The following DOK4 variants were observed in gnomAD, a reference collection of about 807,000 sequenced individuals.
The protein encoded by DOK4 is docking protein 4, also known as downstream of tyrosine kinase 4.
Under a neutral mutation model 40.1 loss-of-function variants are expected in DOK4, and 26 were observed. The observed-to-expected ratio is 0.65, with a 90% CI of 0.48 to 0.90. The LOEUF (loss-of-function observed/expected upper bound fraction) is 0.90. DOK4 is among the 40% of genes least tolerant of loss of function. DOK4 has a pLI of 0.00. For missense variants in DOK4, 392 were observed against 437.2 expected, an observed-to-expected ratio of 0.90 and a Z score of 0.92; for synonymous variants, 179 against 177.0, an observed-to-expected ratio of 1.01 and a Z score of -0.09.
rs1297974435 is a variant in DOK4, at chr16:57,475,740, C to T, written c.174+110G>A. 211 of 722,140 alleles carry T rather than the reference C, an allele frequency of 2.9e-4. 1 individual carries two copies. Among genetic ancestry groups the T allele is most frequent in the Non-Finnish European group, 2.0e-5 (9 of 457,612 alleles). The allele number at this position is 722,140 out of a possible 1,614,324, so 44.7% of individuals were successfully genotyped here. ...CCCTCCTCCTTCTCTCTCCTCCTCT[C>T]CCTCTCTCCCCCTTTCTCCCCTCTC... On this transcript the variant is annotated intron_variant, in intron 3 of 8. Transcript: ENST00000340099.
exon 7 of DOK4, chr16:57,473,943 C>T: frequency 6.2e-7 from 1 of 1,604,196 alleles, no homozygotes; most frequent in Non-Finnish European, 8.5e-7. Flanking sequence ...GCTTGTGCTG[C>T]TCTGCGATGG....
intron 2 of DOK4, chr16:57,476,371 T>C (rs2031183801): frequency 5.7e-6 from 1 of 174,010 alleles, no homozygotes; most frequent in Non-Finnish European, 1.2e-5. Context: ...AAGGGAGGCA[T>C]CAAAACACTA....
Position 57,475,990 on chromosome 16 carries a change from C to T in DOK4, c.67-33G>A, listed in dbSNP as rs750889359. 7.0e-6 allele frequency: 11 copies of T among 1,564,462 alleles called. No individual in the cohort carries two copies. The Admixed American group carries it at 1.9e-4, about 28-fold the overall frequency. On this transcript the variant is annotated intron_variant, in intron 2 of 8. Transcript: ENST00000340099. ...GCGAGATGACAGGGCTCAGGCCTCC[C>T]TGGACCACTCCCACCCCACCAGCAT...
rs1399800735 is a variant in DOK4 at position 57,482,375 on chromosome 16, T to TG, written c.-181-2688_-181-2687insC. Among the ~76,000 whole-genome samples, 3 of 142,784 alleles carry TG rather than the reference T, an allele frequency of 2.1e-5. No homozygotes were observed. In the East Asian group the frequency reaches 5.9e-4, roughly 28 times the overall value. 93.7% of individuals were successfully genotyped at this position (142,784 alleles called of 152,430 possible). On this transcript the variant is annotated intron_variant, in intron 1 of 8. Coordinates refer to ENST00000340099, the Ensembl canonical transcript of DOK4. ...AGATGGGGCTTTTGTTTTTTTTTTT[T>TG]TTTTTTTTTGAGACGGAGTCTCACT...
At chr16:57,486,540 TG>T (rs1469039061), upstream of DOK4, 1 of 129,444 alleles carries the variant, frequency 7.7e-6, no homozygotes, top group East Asian at 2.6e-4. Flanking sequence ...CCCCGCCCCC[TG>T]CCCCGCCCTG....
intron 1 of DOK4, among the ~76,000 whole-genome samples, chr16:57,481,289 CT>C (rs535500612): frequency 1.3e-5 from 2 of 152,354 alleles, no homozygotes; most frequent in South Asian, 2.1e-4. Flanking sequence ...TAATGCGCCC[CT>C]ATCCCACTTG....
chr16:57,474,311 T>C (rs1471352294), intron 6 of DOK4, among the ~76,000 whole-genome samples: 2 of 152,212 alleles, frequency 1.3e-5, no homozygotes, highest in African/African-American at 2.4e-5. Flanking sequence ...CTCATTGTTA[T>C]GCATTTTCCC....
At chr16:57,477,357 T>C (rs2031226019) in intron 2 of DOK4, among the ~76,000 whole-genome samples, 2 of 152,300 alleles carry the variant, frequency 1.3e-5, no homozygotes, top group South Asian at 2.1e-4. Flanking sequence ...AGCCCTCAGC[T>C]CTCAGCTGCA....
At position 57,485,457 on chromosome 16, in the gene DOK4, C is replaced by G. The variant is rs2031516571; in HGVS notation, c.-182+848G>C. On this transcript the variant is annotated intron_variant, in intron 1 of 8. Transcript: ENST00000340099. This position sits in a 1 kb window ranked among gnomAD's most constrained non-coding sequence, Gnocchi z 4.3. ...CAGCGCCACATCCCTCTGAAAGGGT[C>G]CAGGAAAGAACCTGCCCTAAGCAAG... 6.6e-6 allele frequency among the ~76,000 whole-genome samples: 1 copy of G among 152,148 alleles called. No homozygotes were observed. Among genetic ancestry groups the G allele is most frequent in the Non-Finnish European group, 1.5e-5 (1 of 68,026 alleles).
chr16:57,483,295 G>A (rs1375941513), intron 1 of DOK4, among the ~76,000 whole-genome samples: 4 of 152,130 alleles, frequency 2.6e-5, no homozygotes, highest in East Asian at 1.9e-4. Context: ...CAAGCGAGGC[G>A]GCCCCCAAGC....
chr16:57,477,818 C>T (rs540309777), intron 2 of DOK4, among the ~76,000 whole-genome samples: 26 of 152,310 alleles, frequency 1.7e-4, no homozygotes, highest in African/African-American at 4.1e-4. Flanking sequence ...GGGGAGGGAC[C>T]ACAGCCTCTC....
In DOK4 at chr16:57,479,725, A is replaced by T; in HGVS notation, c.-181-37T>A. The stretch of plus-strand genomic sequence containing the variant: ...AATGACAGGGAGATTAGAGACAGTG[A>T]CATCTTTCTCTTCCTCTCGCTGTCT... On this transcript the variant is annotated intron_variant, in intron 1 of 8. Transcript: ENST00000340099. This position sits in a 1 kb window ranked among gnomAD's most constrained non-coding sequence, Gnocchi z 5.8. 1 of 497,576 alleles carries T rather than the reference A, an allele frequency of 2.0e-6. No homozygotes were observed. The highest frequency in any genetic ancestry group is 3.6e-5 in the East Asian group (1 of 27,412). The allele number at this position is 497,576 out of a possible 1,614,324, so 30.8% of individuals were successfully genotyped here.
intron 1 of DOK4, among the ~76,000 whole-genome samples, chr16:57,480,919 G>A (rs1567591593): frequency 6.6e-6 from 1 of 152,186 alleles, no homozygotes; most frequent in Non-Finnish European, 1.5e-5. Flanking sequence ...GGGTGGTGAT[G>A]GAGACCAGTC....
intron 4 of DOK4, 134 bp downstream of exon 4, chr16:57,475,372 A>G: frequency 7.1e-7 from 1 of 1,414,164 alleles, no homozygotes. Context: ...CTGCTCCCTG[A>G]AAGCACCCCC....
In DOK4 at chr16:57,474,114, CA is replaced by C. The variant is rs1231847179; in HGVS notation, c.600-76del. On this transcript the variant is annotated intron_variant, in intron 6 of 8. Coordinates refer to ENST00000340099, the Ensembl canonical transcript of DOK4. ...GCATGTGATTAGTTAGGCTCTCTTG[CA>C]ACTGCAAGTTGTGGTTGCATTCCAG... 4.4e-6 allele frequency: 7 copies of C among 1,588,154 alleles called. No individual in the cohort carries two copies. In the East Asian group the frequency reaches 1.6e-4, roughly 36 times the overall value.
At chr16:57,473,520 A>G in intron 8 of DOK4, 25 bp from the exon 9 acceptor site, 1 of 1,614,184 alleles carries the variant, frequency 6.2e-7, no homozygotes, top group Non-Finnish European at 8.5e-7. Context: ...GCAGGCTCAG[A>G]ACTCAGAGCT....
At position 57,477,638 on chromosome 16, in the gene DOK4, C is replaced by T. The variant is rs1359034951; in HGVS notation, c.67-1681G>A. 4.6e-5 allele frequency among the ~76,000 whole-genome samples: 7 copies of T among 152,204 alleles called. No homozygotes were observed. In the South Asian group the frequency reaches 8.3e-4, roughly 18 times the overall value. On this transcript the variant is annotated intron_variant, in intron 2 of 8. Transcript: ENST00000340099. The stretch of plus-strand genomic sequence containing the variant: ...ACATTCACAGCCCCAGGGAGCCACG[C>T]GCTCAAGAGCCCTCCTTCCCACTTC...
At chr16:57,482,613 C>G (rs1034363749) in intron 1 of DOK4, among the ~76,000 whole-genome samples, 1 of 151,986 alleles carries the variant, frequency 6.6e-6, no homozygotes, top group Non-Finnish European at 1.5e-5. Context: ...GTGATCCACC[C>G]GCCTCGGCCT....
intron 2 of DOK4, 96 bp from the exon 3 acceptor site, chr16:57,476,053 G>GC (rs1160480884): frequency 4.9e-6 from 5 of 1,024,096 alleles, no homozygotes; most frequent in Admixed American, 4.1e-5. Context: ...AGGGGGCGGT[G>GC]CCGCACAGCC....
Sources: gnomAD v4.1 joint callset for allele counts (sites outside exome capture counted in the v4.1 genomes callset) on GRCh38, gnomAD v4.1.1 for gene constraint, Gnocchi (gnomAD v3.1) non-coding constraint, MANE v1.5 for transcripts, NCBI Gene and HGNC (gene_info 2026-07-23, HGNC 2026-07-21) for gene names.